The following B4GALT4 variants were observed in gnomAD, a reference collection of about 807,000 sequenced individuals.
The protein encoded by B4GALT4 is N-acetyllactosamine synthase.
A neutral mutation model predicts 37.3 loss-of-function variants in B4GALT4; 27 were observed. The ratio of observed to expected loss-of-function variants is 0.72; its 90% CI spans 0.53 to 1.00. The LOEUF (loss-of-function observed/expected upper bound fraction) is 1.00, where lower values mean the gene tolerates loss of function less well. Ranked by LOEUF, B4GALT4 falls within the 50% of genes least tolerant of loss-of-function variation. The pLI is 0.00. For missense variants in B4GALT4, 372 were observed against 413.1 expected, an observed-to-expected ratio of 0.90 and a Z score of 0.86; for synonymous variants, 148 against 154.1, an observed-to-expected ratio of 0.96 and a Z score of 0.29.
chr3:119,240,311 C>T (rs2079115178), intron 1 of B4GALT4: 2 of 152,196 alleles, frequency 1.3e-5, no homozygotes, highest in Admixed American at 1.3e-4. Context: ...TACAGATCAA[C>T]AAACACTGGA....
intron 1 of B4GALT4, among the ~76,000 whole-genome samples, chr3:119,238,450 C>A (rs2079050127): frequency 6.6e-6 from 1 of 151,904 alleles, no homozygotes; most frequent in African/African-American, 2.4e-5. Context: ...TCAACAGAAA[C>A]AATATTGTTT....
rs1031878344 is a variant in B4GALT4 at position 119,226,649 on chromosome 3, G to T, written c.486+160C>A. ...CCCATAACTCCACACTCTGAGACAA[G>T]AATTTCCTCTACTCCTTTCAAGGAT... is the stretch of plus-strand genomic sequence containing the variant. On this transcript the variant is annotated intron_variant, in intron 4 of 7. Transcript: ENST00000393765. 18 of 670,294 alleles carry T rather than the reference G, an allele frequency of 2.7e-5. No homozygotes were observed. In the Middle Eastern group the frequency reaches 1.7e-3, roughly 62 times the overall value. The allele number at this position is 670,294 out of a possible 1,614,324, so 41.5% of individuals were successfully genotyped here.
At chr3:119,221,307 C>A (rs974350325) in intron 5 of B4GALT4, among the ~76,000 whole-genome samples, 1 of 152,208 alleles carries the variant, frequency 6.6e-6, no homozygotes, top group Non-Finnish European at 1.5e-5. Flanking sequence ...CTGGCTTCAT[C>A]AGAGTCTGAG....
intron 6 of B4GALT4, 66 bp from the exon 7 acceptor site, chr3:119,216,410 C>T: frequency 3.9e-6 from 5 of 1,266,710 alleles, no homozygotes; most frequent in Non-Finnish European, 5.6e-6. Context: ...AAATAAAAAG[C>T]ATCATTTGCG....
intron 1 of B4GALT4, among the ~76,000 whole-genome samples, chr3:119,238,621 A>G (rs533038358): frequency 6.6e-6 from 1 of 152,254 alleles, no homozygotes; most frequent in Non-Finnish European, 1.5e-5. Context: ...CTATTATTAG[A>G]TATTATTCAT....
chr3:119,225,875 C>T (rs2078600674), intron 4 of B4GALT4, among the ~76,000 whole-genome samples: 1 of 151,626 alleles, frequency 6.6e-6, no homozygotes, highest in Non-Finnish European at 1.5e-5. Flanking sequence ...GTTCCAAGTA[C>T]TAAAATACAG....
chr3:119,226,694 G>A (rs969764533), intron 4 of B4GALT4, 115 bp downstream of exon 4: 32 of 867,292 alleles, frequency 3.7e-5, no homozygotes, highest in Non-Finnish European at 1.1e-5. Context: ...AAGAGAACTC[G>A]TTTTTGATGA....
chr3:119,225,626 A>AC (rs1431266488), intron 4 of B4GALT4, among the ~76,000 whole-genome samples: 1 of 151,578 alleles, frequency 6.6e-6, no homozygotes, highest in East Asian at 1.9e-4. Context: ...ACAGGGTTTC[A>AC]CTATGCTGGC....
chr3:119,236,414 A>C (rs549804546), intron 2 of B4GALT4, among the ~76,000 whole-genome samples: 2 of 152,304 alleles, frequency 1.3e-5, no homozygotes, highest in South Asian at 4.1e-4. Flanking sequence ...TAAGGGGTTA[A>C]TATTAGGGGA....
intron 5 of B4GALT4, among the ~76,000 whole-genome samples, chr3:119,219,014 G>A (rs950459283): frequency 1.1e-4 from 17 of 152,024 alleles, no homozygotes; most frequent in African/African-American, 4.1e-4. Context: ...TAATGGTGAT[G>A]TTTGTGTGTA....
intron 3 of B4GALT4, among the ~76,000 whole-genome samples, chr3:119,227,815 A>C (rs949557780): frequency 6.6e-6 from 1 of 152,138 alleles, no homozygotes; most frequent in Non-Finnish European, 1.5e-5. Flanking sequence ...CTTCTGAGTA[A>C]AGCAGTCATA....
intron 5 of B4GALT4, among the ~76,000 whole-genome samples, chr3:119,223,582 C>T (rs933800543): frequency 6.6e-6 from 1 of 152,060 alleles, no homozygotes; most frequent in Non-Finnish European, 1.5e-5. Context: ...TCCTGGCTCC[C>T]GAGAAGACTA....
chr3:119,229,763 G>A, intron 3 of B4GALT4, 84 bp downstream of exon 3: 11 of 1,388,378 alleles, frequency 7.9e-6, no homozygotes, highest in Non-Finnish European at 1.1e-5. Flanking sequence ...GGGTACATGA[G>A]ATGTTTTGAT....
At chr3:119,234,144 G>GT (rs2078911981) in intron 2 of B4GALT4, among the ~76,000 whole-genome samples, 1 of 151,770 alleles carries the variant, frequency 6.6e-6, no homozygotes, top group Non-Finnish European at 1.5e-5. Context: ...TTGAGACGGA[G>GT]TCTCCCTCTG....
chr3:119,220,440 G>A lies in B4GALT4; in HGVS notation c.675-1668C>T, dbSNP rs185795503. ...ATGTGCAAGACGGCTGGCTAAACAC[G>A]GGAATGCGGGAGCCCCGCCCTCAGA... is the stretch of plus-strand genomic sequence containing the variant. On this transcript the variant is annotated intron_variant, in intron 5 of 7. Transcript: ENST00000393765. 9.6e-4 allele frequency among the ~76,000 whole-genome samples: 147 copies of A among 152,362 alleles called. 1 individual carries two copies. Among genetic ancestry groups the A allele is most frequent in the African/African-American group, 3.2e-3 (135 of 41,588 alleles).
chr3:119,228,201 C>CT (rs1426884425), intron 3 of B4GALT4, among the ~76,000 whole-genome samples: 1 of 152,192 alleles, frequency 6.6e-6, no homozygotes. Context: ...TGTCTCTGTT[C>CT]TTGCGCGCTC....
intron 2 of B4GALT4, among the ~76,000 whole-genome samples, chr3:119,232,814 A>T (rs1269063830): frequency 6.6e-6 from 1 of 151,908 alleles, no homozygotes; most frequent in Non-Finnish European, 1.5e-5. Context: ...TTTATTTTTT[A>T]TTTTTATTTT....
chr3:119,239,263 T>C (rs1432423665), intron 1 of B4GALT4, among the ~76,000 whole-genome samples: 1 of 149,672 alleles, frequency 6.7e-6, no homozygotes, highest in Non-Finnish European at 1.5e-5. Flanking sequence ...GAGGTGTAGG[T>C]TGCAGTGAGC....
chr3:119,229,916 T>C lies in B4GALT4; in HGVS notation c.184A>G (p.Thr62Ala), dbSNP rs758939498. The part of the protein sequence containing the change: ...HKTLILGKGK[T>A]LTNEASTKKV... ...TTCGTGGATGCTTCATTAGTCAGAG[T>C]TTTTCCCTTCCCCAAAATGAGGGTC... The change falls in exon 3 of 8, where the codon ACT becomes GCT. Residue 62 changes from threonine to alanine, a missense_variant. Thr to Ala is a moderately conservative substitution (Grantham distance 58). Transcript: ENST00000393765. 1.2e-6 allele frequency: 2 copies of C among 1,614,108 alleles called. No individual in the cohort carries two copies. The highest frequency in any genetic ancestry group is 3.3e-5 in the Admixed American group (2 of 60,004).
Sources: gnomAD v4.1 joint callset for allele counts (sites outside exome capture counted in the v4.1 genomes callset) on GRCh38, gnomAD v4.1.1 for gene constraint, MANE v1.5 for transcripts, NCBI Gene and HGNC (gene_info 2026-07-23, HGNC 2026-07-21) for gene names.